ANKRD17: variants seen among roughly 807,000 people sequenced by gnomAD.
The protein encoded by ANKRD17 is ankyrin repeat domain 17.
ANKRD17 carries 19 observed loss-of-function variants against 229.7 expected under a neutral mutation model. The ratio of observed to expected loss-of-function variants is 0.08; its 90% CI spans 0.06 to 0.12. The LOEUF (loss-of-function observed/expected upper bound fraction) is 0.12. Among genes scored for constraint, ANKRD17 ranks in the 10% least tolerant of loss-of-function variants. The pLI is 1.00. For missense variants in ANKRD17, 2,176 were observed against 3,176.8 expected (o/e 0.68, Z 7.57); for synonymous variants, 1,112 against 1,146.1 (o/e 0.97, Z 0.60).
At chr4:73,186,573 T>C (rs535392437) in intron 1 of ANKRD17, among the ~76,000 whole-genome samples, 12 of 152,288 alleles carry the variant, frequency 7.9e-5, no homozygotes, top group African/African-American at 2.9e-4. Context: ...ATCAGTGATA[T>C]AACAGTTAAC....
At chr4:73,171,173 AGG>A (rs765362233) in intron 2 of ANKRD17, among the ~76,000 whole-genome samples, 4 of 64,286 alleles carry the variant, frequency 6.2e-5, no homozygotes, top group Admixed American at 4.6e-4. Context: ...CATGGCTCAG[AGG>A]GGGGAGAGAG....
At chr4:73,250,614 A>AAAAAAAAAAAC (rs1744925337) in intron 1 of ANKRD17, among the ~76,000 whole-genome samples, 1 of 149,570 alleles carries the variant, frequency 6.7e-6, no homozygotes, top group Non-Finnish European at 1.5e-5. Context: ...AAAAAAAAAA[A>AAAAAAAAAAAC]ACAGAAAAAA....
At chr4:73,160,030 T>G (rs913703727) in intron 3 of ANKRD17, among the ~76,000 whole-genome samples, 2 of 152,150 alleles carry the variant, frequency 1.3e-5, no homozygotes, top group African/African-American at 4.8e-5. Context: ...ATTTACTCTC[T>G]AAACCCAAAT....
chr4:73,089,462 G>C (rs1231197423), intron 29 of ANKRD17, among the ~76,000 whole-genome samples: 1 of 152,118 alleles, frequency 6.6e-6, no homozygotes, highest in Admixed American at 6.5e-5. Flanking sequence ...TACTTGAAAT[G>C]CTTATATTAA....
chr4:73,231,688 T>C (rs1743061836), intron 1 of ANKRD17, among the ~76,000 whole-genome samples: 1 of 152,202 alleles, frequency 6.6e-6, no homozygotes, highest in South Asian at 2.1e-4. Flanking sequence ...GACTGAAGAC[T>C]GACAGGCCCT....
chr4:73,139,746 G>C lies in ANKRD17; in HGVS notation c.2870C>G (p.Ala957Gly). The change falls in exon 15 of 34, where the codon GCG becomes GGG. Residue 957 changes from alanine (A) to glycine (G), a missense_variant. Coordinates refer to ENST00000358602, the MANE Select transcript of ANKRD17 (RefSeq NM_032217.5). ...QMGFAPIQPL[A>G]MPQALPLAAG... ...CGCCAGAGGCAAAGCTTGAGGCATC[G>C]CCAGAGGCTGGATTGGCGCAAAACC... 3 of 1,614,176 alleles carry C rather than the reference G, an allele frequency of 1.9e-6. No homozygotes were observed. Among genetic ancestry groups the C allele is most frequent in the Non-Finnish European group, 2.5e-6 (3 of 1,180,018 alleles).
intron 1 of ANKRD17, among the ~76,000 whole-genome samples, chr4:73,218,060 C>T (rs1741323527): frequency 6.6e-6 from 1 of 152,116 alleles, no homozygotes; most frequent in African/African-American, 2.4e-5. Flanking sequence ...TATGTGTATA[C>T]ACACGCGTAT....
intron 1 of ANKRD17, among the ~76,000 whole-genome samples, chr4:73,207,916 C>T (rs1264399760): frequency 6.6e-6 from 1 of 152,164 alleles, no homozygotes; most frequent in East Asian, 1.9e-4. Context: ...AGGCCGGGCA[C>T]AGTGGCTCAC....
At chr4:73,112,078 G>C (rs1056283929) in intron 24 of ANKRD17, among the ~76,000 whole-genome samples, 1 of 152,166 alleles carries the variant, frequency 6.6e-6, no homozygotes, top group Admixed American at 6.5e-5. Context: ...AGTATGGATA[G>C]AGCAAGGTGA....
intron 1 of ANKRD17, among the ~76,000 whole-genome samples, chr4:73,191,413 T>C (rs1737088792): frequency 7.3e-6 from 1 of 136,828 alleles, no homozygotes; most frequent in Admixed American, 7.4e-5. Flanking sequence ...GAAAATCTAC[T>C]AGAAACATAA....
intron 1 of ANKRD17, 21 bp from the exon 2 acceptor site, chr4:73,177,554 G>T: frequency 6.3e-7 from 1 of 1,584,276 alleles, no homozygotes. Flanking sequence ...AATGCAAAAA[G>T]AGGGAGGAAG....
chr4:73,128,317 T>C (rs1727747306), intron 16 of ANKRD17, among the ~76,000 whole-genome samples: 1 of 152,226 alleles, frequency 6.6e-6, no homozygotes, highest in Non-Finnish European at 1.5e-5. Flanking sequence ...TTGTGCTGAA[T>C]ATAATGTTAA....
At chr4:73,254,801 A>G (rs1023375439) in intron 1 of ANKRD17, among the ~76,000 whole-genome samples, 2 of 151,934 alleles carry the variant, frequency 1.3e-5, no homozygotes, top group East Asian at 3.9e-4. Flanking sequence ...AAATACTAAG[A>G]TCATTCAGTC....
chr4:73,131,153 A>G (rs1004334126), intron 16 of ANKRD17, among the ~76,000 whole-genome samples: 7 of 152,214 alleles, frequency 4.6e-5, no homozygotes, highest in Non-Finnish European at 8.8e-5. Context: ...TCATCTTAAA[A>G]GTTTTGAAAA....
At chr4:73,107,575 T>G (rs918452556) in intron 24 of ANKRD17, among the ~76,000 whole-genome samples, 1 of 152,196 alleles carries the variant, frequency 6.6e-6, no homozygotes, top group Non-Finnish European at 1.5e-5. Context: ...ATGGAGGGTT[T>G]TGATTTTTAA....
At chr4:73,146,400 T>A (rs1353994507) in intron 10 of ANKRD17, among the ~76,000 whole-genome samples, 1 of 152,204 alleles carries the variant, frequency 6.6e-6, no homozygotes, top group East Asian at 1.9e-4. Context: ...ATTGTAGGCA[T>A]AATTTATTTC....
At chr4:73,176,460 A>C (rs1332201428) in intron 2 of ANKRD17, among the ~76,000 whole-genome samples, 1 of 152,160 alleles carries the variant, frequency 6.6e-6, no homozygotes, top group African/African-American at 2.4e-5. Flanking sequence ...TGTACACCCA[A>C]AAGAAAGGAA....
intron 16 of ANKRD17, among the ~76,000 whole-genome samples, chr4:73,129,920 G>T (rs575181042): frequency 1.3e-5 from 2 of 151,588 alleles, no homozygotes; most frequent in Non-Finnish European, 2.9e-5. Flanking sequence ...CTGCCACCAC[G>T]CCTGGCTAAT....
At chr4:73,250,479 G>C (rs912972066) in intron 1 of ANKRD17, among the ~76,000 whole-genome samples, 15 of 149,520 alleles carry the variant, frequency 1.0e-4, no homozygotes, top group Non-Finnish European at 1.9e-4. Flanking sequence ...GGCTCACGCT[G>C]CAACTCCAGA....
Sources: gnomAD v4.1 joint callset for allele counts (sites outside exome capture counted in the v4.1 genomes callset) on GRCh38, gnomAD v4.1.1 for gene constraint, MANE v1.5 for transcripts, NCBI Gene and HGNC (gene_info 2026-07-23, HGNC 2026-07-21) for gene names.